The following ZNF407 variants were observed in gnomAD, a reference collection of about 807,000 sequenced individuals.
ZNF407 encodes zinc finger protein 407.
ZNF407 carries 17 observed loss-of-function variants against 131.2 expected under a neutral mutation model. The ratio of observed to expected loss-of-function variants is 0.13; its 90% confidence interval spans 0.09 to 0.19. ZNF407 has a LOEUF of 0.19. Among genes scored for constraint, ZNF407 ranks in the 10% least tolerant of loss-of-function variants. The pLI, the probability that ZNF407 is intolerant of heterozygous loss-of-function variation, is 1.00. For synonymous variants in ZNF407, 1,156 were observed against 1,062.0 expected, an observed-to-expected ratio of 1.09 and a Z score of -1.72; for missense variants, 2,681 against 2,830.6, an observed-to-expected ratio of 0.95 and a Z score of 1.20.
At chr18:74,834,230 A>T (rs1970524858) in intron 4 of ZNF407, among the ~76,000 whole-genome samples, 1 of 152,188 alleles carries the variant, frequency 6.6e-6, no homozygotes, top group Non-Finnish European at 1.5e-5. Flanking sequence ...ATATGGATAA[A>T]ATTTTCACAG....
intron 3 of ZNF407, among the ~76,000 whole-genome samples, chr18:74,702,759 A>G (rs7239362): frequency 0.085 from 12,896 of 152,268 alleles, 740 homozygotes; most frequent in African/African-American, 0.16. Flanking sequence ...ATTCAGGCAC[A>G]CATAGATACA....
At chr18:74,947,219 C>T (rs1245581236) in intron 8 of ZNF407, among the ~76,000 whole-genome samples, 3 of 152,232 alleles carry the variant, frequency 2.0e-5, no homozygotes, top group African/African-American at 7.2e-5. Context: ...TCTAACAAGG[C>T]TCTTTTATGT....
chr18:74,796,146 ATGGTGACT>A (rs1010949686), intron 4 of ZNF407, among the ~76,000 whole-genome samples: 1 of 152,240 alleles, frequency 6.6e-6, no homozygotes. Context: ...TAATTTTATC[ATGGTGACT>A]TGAAGTTATT....
rs139562243 is a variant in ZNF407 at position 74,677,715 on chromosome 18, T to C, written c.4802+36593T>C. On this transcript the variant is annotated intron_variant, in intron 3 of 8. Coordinates refer to ENST00000299687, the MANE Select transcript of ZNF407 (RefSeq NM_017757.3). ...TCCTTGAACTTTTTTAAAATTGTTA[T>C]TTTAAAGTTTGTTTTTGATAGTTCC... Among the ~76,000 whole-genome samples, 282 of 152,310 alleles carry C rather than the reference T, an allele frequency of 1.9e-3. 2 individuals carry two copies. The highest frequency in any genetic ancestry group is 6.2e-3 in the African/African-American group (259 of 41,566).
chr18:75,012,778 G>T (rs745700385), intron 8 of ZNF407, among the ~76,000 whole-genome samples: 42 of 151,640 alleles, frequency 2.8e-4, no homozygotes, highest in Non-Finnish European at 5.3e-4. Context: ...GAAAAGAGAT[G>T]ATATAAATAC....
At chr18:74,920,901 G>A in intron 8 of ZNF407, 2 of 1,230,874 alleles carry the variant, frequency 1.6e-6, no homozygotes, top group Non-Finnish European at 2.0e-6. Flanking sequence ...ATCAAAAAAG[G>A]AAATCTGACA....
At chr18:74,961,148 AGC>A (rs1280934800) in intron 8 of ZNF407, among the ~76,000 whole-genome samples, 5 of 152,190 alleles carry the variant, frequency 3.3e-5, no homozygotes, top group Non-Finnish European at 4.4e-5. Flanking sequence ...TCTAGTTTAT[AGC>A]CTCTTTTTGT....
At chr18:75,060,751 C>A (rs1410386217) in intron 8 of ZNF407, among the ~76,000 whole-genome samples, 1 of 151,550 alleles carries the variant, frequency 6.6e-6, no homozygotes, top group Non-Finnish European at 1.5e-5. Flanking sequence ...GTGATCCGTC[C>A]GCCTCGGCCT....
At chr18:75,055,476 G>C (rs1211375594) in intron 8 of ZNF407, among the ~76,000 whole-genome samples, 1 of 152,170 alleles carries the variant, frequency 6.6e-6, no homozygotes, top group East Asian at 1.9e-4. Flanking sequence ...AGTGAGATTT[G>C]TGTGCATCAC....
intron 3 of ZNF407, among the ~76,000 whole-genome samples, chr18:74,773,261 A>C (rs1302454044): frequency 6.6e-6 from 1 of 152,176 alleles, no homozygotes; most frequent in African/African-American, 2.4e-5. Context: ...GTGGTTTGGA[A>C]CTATCAGTAG....
intron 3 of ZNF407, among the ~76,000 whole-genome samples, chr18:74,667,533 T>C (rs1599053869): frequency 6.6e-6 from 1 of 152,322 alleles, no homozygotes; most frequent in East Asian, 1.9e-4. Flanking sequence ...TTATATGTGT[T>C]ACTGCACTTA....
intron 8 of ZNF407, among the ~76,000 whole-genome samples, chr18:75,053,727 A>G (rs1011371305): frequency 6.6e-6 from 1 of 152,250 alleles, no homozygotes; most frequent in Admixed American, 6.5e-5. Context: ...TGACAATGTC[A>G]GCGTCCAGTC....
At chr18:74,791,501 A>G (rs550606292) in intron 4 of ZNF407, among the ~76,000 whole-genome samples, 1 of 152,290 alleles carries the variant, frequency 6.6e-6, no homozygotes, top group South Asian at 2.1e-4. Flanking sequence ...ATGAGAAGCA[A>G]TCTCACCTTG....
intron 8 of ZNF407, among the ~76,000 whole-genome samples, chr18:74,995,347 C>T (rs958646666): frequency 2.8e-5 from 4 of 144,216 alleles, no homozygotes; most frequent in African/African-American, 1.1e-4. Context: ...AAGGGGCAGC[C>T]AAGAGACAGG....
intron 3 of ZNF407, among the ~76,000 whole-genome samples, chr18:74,722,483 C>T (rs1329509991): frequency 6.6e-6 from 1 of 152,166 alleles, no homozygotes; most frequent in Non-Finnish European, 1.5e-5. Flanking sequence ...TCCTCATTGG[C>T]TTTCTGTCAA....
chr18:74,868,326 A>T (rs1971041398), intron 4 of ZNF407, among the ~76,000 whole-genome samples: 2 of 152,214 alleles, frequency 1.3e-5, no homozygotes, highest in African/African-American at 4.8e-5. Flanking sequence ...ACATACACAT[A>T]TTTGTGGGTT....
chr18:75,035,926 G>T (rs1477481969), intron 8 of ZNF407, among the ~76,000 whole-genome samples: 2 of 152,220 alleles, frequency 1.3e-5, no homozygotes, highest in African/African-American at 4.8e-5. Flanking sequence ...TATTGCATAG[G>T]TTATACAAAG....
chr18:74,870,902 T>A lies in ZNF407; in HGVS notation c.4878-6295T>A, dbSNP rs369401427. On this transcript the variant is annotated intron_variant, in intron 4 of 8. Coordinates refer to ENST00000299687, the MANE Select transcript of ZNF407 (RefSeq NM_017757.3). ...GGTGAACAGGTTACTATGGAATTATTTGGGTATATTTAATGTGGTTCTAGT... is the reference window on the plus strand; with the variant it reads ...GGTGAACAGGTTACTATGGAATTATATGGGTATATTTAATGTGGTTCTAGT... Among the ~76,000 whole-genome samples, 7 of 152,178 alleles carry A rather than the reference T, an allele frequency of 4.6e-5. No individual in the cohort carries two copies. The East Asian group carries it at 5.8e-4, about 13-fold the overall frequency.
At chr18:74,603,737 T>C (rs1373885885) in intron 1 of ZNF407, among the ~76,000 whole-genome samples, 1 of 152,258 alleles carries the variant, frequency 6.6e-6, no homozygotes, top group Non-Finnish European at 1.5e-5. Flanking sequence ...ATTCAAGCAC[T>C]GGAGAGAATA....
Sources: gnomAD v4.1 joint callset for allele counts (sites outside exome capture counted in the v4.1 genomes callset) on GRCh38, gnomAD v4.1.1 for gene constraint, MANE v1.5 for transcripts, NCBI Gene and HGNC (gene_info 2026-07-23, HGNC 2026-07-21) for gene names.